Variants in ATRNL1 observed in about 807,000 individuals in gnomAD.
ATRNL1 encodes the protein attractin like 1.
A neutral mutation model predicts 182.7 loss-of-function variants in ATRNL1; 95 were observed. That is an observed-to-expected ratio of 0.52 (90% confidence interval 0.44 to 0.62). The LOEUF (loss-of-function observed/expected upper bound fraction) is 0.62. Among genes scored for constraint, ATRNL1 ranks in the 20% least tolerant of loss-of-function variants. ATRNL1 has a pLI of 0.00. For synonymous variants in ATRNL1, 576 were observed against 568.3 expected, an observed-to-expected ratio of 1.01 and a Z score of -0.19; for missense variants, 1,471 against 1,679.5, an observed-to-expected ratio of 0.88 and a Z score of 2.17.
At chr10:115,721,571 C>G (rs115925938) in intron 26 of ATRNL1, among the ~76,000 whole-genome samples, 34 of 152,158 alleles carry the variant, frequency 2.2e-4, no homozygotes, top group African/African-American at 6.3e-4. Flanking sequence ...GAATCAGAAG[C>G]AGAAACCCCT....
At chr10:115,545,759 T>A (rs185891729) in intron 25 of ATRNL1, among the ~76,000 whole-genome samples, 71 of 152,344 alleles carry the variant, frequency 4.7e-4, no homozygotes, top group African/African-American at 1.6e-3. Context: ...GTAACTTTTC[T>A]ATATACACTA....
At chr10:115,523,711 T>A (rs1368299466) in intron 25 of ATRNL1, among the ~76,000 whole-genome samples, 1 of 152,192 alleles carries the variant, frequency 6.6e-6, no homozygotes, top group Non-Finnish European at 1.5e-5. Context: ...ACATGGCCTT[T>A]ACTGTCTATA....
chr10:115,200,169 A>T (rs1848507576), intron 8 of ATRNL1, among the ~76,000 whole-genome samples: 1 of 151,858 alleles, frequency 6.6e-6, no homozygotes. Context: ...AGATACTACC[A>T]ACAATTTGGA....
intron 17 of ATRNL1, among the ~76,000 whole-genome samples, chr10:115,302,519 G>T (rs1276837325): frequency 6.6e-6 from 1 of 152,098 alleles, no homozygotes; most frequent in Non-Finnish European, 1.5e-5. Flanking sequence ...GCATTTTGGG[G>T]CAAGAATATT....
chr10:115,443,778 T>G (rs1198940348), intron 21 of ATRNL1, among the ~76,000 whole-genome samples: 1 of 152,112 alleles, frequency 6.6e-6, no homozygotes, highest in Non-Finnish European at 1.5e-5. Flanking sequence ...TCCGTATCCC[T>G]TGATATATTT....
chr10:115,536,233 G>A (rs1247716027), intron 25 of ATRNL1, among the ~76,000 whole-genome samples: 2 of 152,150 alleles, frequency 1.3e-5, no homozygotes, highest in African/African-American at 4.8e-5. Flanking sequence ...ACAGAGACAG[G>A]CAGACCTCCT....
At chr10:115,329,195 A>G (rs1377095037) in intron 18 of ATRNL1, among the ~76,000 whole-genome samples, 1 of 151,910 alleles carries the variant, frequency 6.6e-6, no homozygotes, top group East Asian at 1.9e-4. Flanking sequence ...ATCTATTTGT[A>G]TAGTGTTTGA....
chr10:115,699,067 A>G (rs1946652896), intron 26 of ATRNL1, among the ~76,000 whole-genome samples: 1 of 152,170 alleles, frequency 6.6e-6, no homozygotes, highest in Non-Finnish European at 1.5e-5. Flanking sequence ...GTAGAAAATT[A>G]TGAAGTCATA....
At chr10:115,454,793 T>TTG (rs1554968363) in intron 21 of ATRNL1, among the ~76,000 whole-genome samples, 2 of 151,928 alleles carry the variant, frequency 1.3e-5, no homozygotes, top group Admixed American at 1.3e-4. Context: ...ATTTTTGTGT[T>TTG]TGTGTGTGTG....
At chr10:115,613,705 T>C (rs1430698683) in intron 26 of ATRNL1, among the ~76,000 whole-genome samples, 1 of 152,124 alleles carries the variant, frequency 6.6e-6, no homozygotes, top group African/African-American at 2.4e-5. Flanking sequence ...AGTTACTGAT[T>C]TTATATATGT....
At chr10:115,113,550 A>G (rs1434929727) in intron 1 of ATRNL1, among the ~76,000 whole-genome samples, 1 of 151,896 alleles carries the variant, frequency 6.6e-6, no homozygotes, top group Non-Finnish European at 1.5e-5. Flanking sequence ...TGTTCTCATG[A>G]TAGTGAATAA....
chr10:115,444,533 T>C (rs551267321), intron 21 of ATRNL1, among the ~76,000 whole-genome samples: 19 of 152,104 alleles, frequency 1.2e-4, no homozygotes, highest in African/African-American at 4.6e-4. Flanking sequence ...AAAATATTCA[T>C]ATTTCTGTAT....
At chr10:115,397,556 G>A (rs1362360110) in intron 20 of ATRNL1, among the ~76,000 whole-genome samples, 4 of 151,846 alleles carry the variant, frequency 2.6e-5, no homozygotes, top group Non-Finnish European at 4.4e-5. Flanking sequence ...TTAATAGAAT[G>A]GAATGAAGAA....
chr10:115,131,281 A>G (rs79247416), intron 5 of ATRNL1, among the ~76,000 whole-genome samples: 2 of 152,210 alleles, frequency 1.3e-5, no homozygotes, highest in Middle Eastern at 3.4e-3. Flanking sequence ...TATATATTTT[A>G]TATGGAGAAT....
intron 9 of ATRNL1, among the ~76,000 whole-genome samples, chr10:115,223,176 G>T (rs1382832000): frequency 6.6e-6 from 1 of 152,146 alleles, no homozygotes; most frequent in Non-Finnish European, 1.5e-5. Context: ...AGCTACTTGG[G>T]AGGCTGAGGC....
chr10:115,225,264 T>G (rs939258821), intron 9 of ATRNL1, among the ~76,000 whole-genome samples: 4 of 151,720 alleles, frequency 2.6e-5, no homozygotes, highest in Admixed American at 6.6e-5. Flanking sequence ...AAATTTATCA[T>G]GTATTTATGA....
At chr10:115,788,208 G>A (rs530022992) in intron 27 of ATRNL1, among the ~76,000 whole-genome samples, 2 of 152,318 alleles carry the variant, frequency 1.3e-5, no homozygotes, top group East Asian at 3.9e-4. Flanking sequence ...TGGGTTTCGA[G>A]TAACATTCCT....
In ATRNL1 at chr10:115,176,124, G is replaced by C. The variant is rs554244115; in HGVS notation, c.1348+4832G>C. On this transcript the variant is annotated intron_variant, in intron 8 of 28. Coordinates refer to ENST00000355044, the MANE Select transcript of ATRNL1 (RefSeq NM_207303.4). ...AAATGTCTTCTTTTGAGAAGTGTCT[G>C]TTCATATCCTTCACCCACTTTTTGA... Among the ~76,000 whole-genome samples, 17 of 152,208 alleles carry C rather than the reference G, an allele frequency of 1.1e-4. No individual in the cohort carries two copies. In the South Asian group the frequency reaches 3.3e-3, roughly 30 times the overall value.
chr10:115,457,223 C>G (rs75271122), intron 21 of ATRNL1, among the ~76,000 whole-genome samples: 1 of 151,820 alleles, frequency 6.6e-6, no homozygotes, highest in Non-Finnish European at 1.5e-5. Flanking sequence ...AGTGGGTAGC[C>G]CTCTGTGAGG....
Sources: allele counts gnomAD v4.1 joint callset (sites outside exome capture counted in the v4.1 genomes callset), GRCh38; gene constraint gnomAD v4.1.1; transcripts MANE v1.5; gene names NCBI Gene and HGNC (gene_info 2026-07-23, HGNC 2026-07-21).